Variants in ANTXR1 observed in about 807,000 individuals in gnomAD.
The protein encoded by ANTXR1 is anthrax toxin receptor 1.
In ANTXR1, 19 loss-of-function variants were observed where a neutral mutation model predicts 78.1. The observed-to-expected ratio is 0.24, with a 90% CI of 0.17 to 0.36. ANTXR1 has a LOEUF of 0.36. ANTXR1 is among the 10% of genes least tolerant of loss of function. The pLI is 1.00. For synonymous variants in ANTXR1, 273 were observed against 260.5 expected, an observed-to-expected ratio of 1.05 and a Z score of -0.46; for missense variants, 518 against 718.6, an observed-to-expected ratio of 0.72 and a Z score of 3.19.
At chr2:69,039,640 G>A (rs1416455744) in intron 1 of ANTXR1, among the ~76,000 whole-genome samples, 3 of 152,090 alleles carry the variant, frequency 2.0e-5, no homozygotes, top group Non-Finnish European at 4.4e-5. Flanking sequence ...TGTGTTTATC[G>A]TGTGTGCTAA....
At chr2:69,191,010 G>T (rs1674532305) in intron 16 of ANTXR1, among the ~76,000 whole-genome samples, 1 of 151,920 alleles carries the variant, frequency 6.6e-6, no homozygotes, top group South Asian at 2.1e-4. Context: ...GAAGGGGAAA[G>T]AAAAAAGAGG....
intron 12 of ANTXR1, among the ~76,000 whole-genome samples, chr2:69,144,074 A>T (rs1334954787): frequency 6.6e-6 from 1 of 152,244 alleles, no homozygotes; most frequent in African/African-American, 2.4e-5. Context: ...AAAATTGCCC[A>T]TGCTTTGCCA....
At chr2:69,073,332 C>T (rs4854537) in intron 6 of ANTXR1, among the ~76,000 whole-genome samples, 110,737 of 152,174 alleles carry the variant, frequency 0.73, 41,512 homozygotes, top group African/African-American at 0.92. Context: ...TATTACTCTG[C>T]TTTGAAGGAT....
At chr2:69,188,077 C>A (rs1674464664) in intron 16 of ANTXR1, among the ~76,000 whole-genome samples, 1 of 144,386 alleles carries the variant, frequency 6.9e-6, no homozygotes, top group Admixed American at 6.9e-5. Context: ...AACCCCACCA[C>A]AAAAGCTGAT....
chr2:69,075,387 C>T, intron 6 of ANTXR1, among the ~76,000 whole-genome samples: 1 of 152,182 alleles, frequency 6.6e-6, no homozygotes, highest in Non-Finnish European at 1.5e-5. Flanking sequence ...TGTGTCTTTT[C>T]AAGTCCACCA....
intron 14 of ANTXR1, among the ~76,000 whole-genome samples, chr2:69,180,986 T>C (rs1674260041): frequency 6.6e-6 from 1 of 152,040 alleles, no homozygotes; most frequent in African/African-American, 2.4e-5. Flanking sequence ...CCCAGAGTAT[T>C]TGAGAGAGGG....
intron 9 of ANTXR1, among the ~76,000 whole-genome samples, chr2:69,095,259 C>T (rs1349906735): frequency 6.6e-6 from 1 of 151,678 alleles, no homozygotes; most frequent in African/African-American, 2.4e-5. Context: ...TTCCTCCTTT[C>T]ATCGATTCTT....
chr2:69,193,179 A>G (rs1306584651), intron 16 of ANTXR1, among the ~76,000 whole-genome samples, 156 bp from the exon 17 acceptor site: 1 of 152,158 alleles, frequency 6.6e-6, no homozygotes, highest in African/African-American at 2.4e-5. Flanking sequence ...CCAGTTTTGA[A>G]TTAAGGGACT....
intron 14 of ANTXR1, 84 bp from the exon 15 acceptor site, chr2:69,181,702 C>G (rs1674277814): frequency 7.6e-7 from 1 of 1,311,860 alleles, no homozygotes; most frequent in South Asian, 1.2e-5. Context: ...TCTATAAGCT[C>G]TACTCCTAAT....
At position 69,246,651 on chromosome 2, in the gene ANTXR1, G is replaced by C. The variant is rs1393411496; in HGVS notation, c.*1166G>C. 2.0e-5 allele frequency: 3 copies of C among 152,112 alleles called. No individual in the cohort carries two copies. Among genetic ancestry groups the C allele is most frequent in the Non-Finnish European group, 4.4e-5 (3 of 68,032 alleles). The allele number at this position is 152,112 out of a possible 1,614,324, so 9.4% of individuals were successfully genotyped here. A position where few individuals can be genotyped will look rare whatever the true frequency, so the allele number is the denominator to read the frequency against. ...ACATAGAACCTCAGCTGTTAACCAA[G>C]GGGAAATACATCAGATCTGCAACAC... On this transcript the variant is annotated 3_prime_UTR_variant, in exon 18 of 18. Coordinates refer to ENST00000303714, the MANE Select transcript of ANTXR1 (RefSeq NM_032208.3).
At chr2:69,140,682 C>A (rs1261355484) in intron 12 of ANTXR1, among the ~76,000 whole-genome samples, 1 of 152,190 alleles carries the variant, frequency 6.6e-6, no homozygotes, top group Non-Finnish European at 1.5e-5. Context: ...TTCAGAATTG[C>A]TTTGGGCAAT....
chr2:69,227,615 C>T (rs1675487965), intron 17 of ANTXR1, among the ~76,000 whole-genome samples: 1 of 152,120 alleles, frequency 6.6e-6, no homozygotes, highest in Admixed American at 6.5e-5. Flanking sequence ...TCACATATAA[C>T]TCTCCGGGAA....
At chr2:69,037,353 GC>G (rs1260879699) in intron 1 of ANTXR1, among the ~76,000 whole-genome samples, 7 of 152,204 alleles carry the variant, frequency 4.6e-5, no homozygotes, top group African/African-American at 1.7e-4. Flanking sequence ...ATCAGGGGAT[GC>G]TGACAGAGAG....
At chr2:69,168,452 C>T (rs1673891032) in intron 13 of ANTXR1, among the ~76,000 whole-genome samples, 1 of 152,204 alleles carries the variant, frequency 6.6e-6, no homozygotes, top group African/African-American at 2.4e-5. Flanking sequence ...AACATCTATG[C>T]TGTGCTTAGC....
intron 6 of ANTXR1, among the ~76,000 whole-genome samples, chr2:69,075,118 G>A (rs1010496228): frequency 2.0e-5 from 3 of 151,792 alleles, no homozygotes; most frequent in African/African-American, 7.3e-5. Flanking sequence ...TTCTAGCCTT[G>A]TGTGAGGAGC....
Position 69,162,761 on chromosome 2 carries a change from A to C in ANTXR1, c.1048-7487A>C, listed in dbSNP as rs374044892. Among the ~76,000 whole-genome samples the C allele has an allele frequency of 1.4e-4, 21 of 152,282 alleles. 1 individual carries two copies. The highest frequency in any genetic ancestry group is 4.8e-4 in the African/African-American group (20 of 41,560). On this transcript the variant is annotated intron_variant, in intron 13 of 17. Coordinates refer to ENST00000303714, the MANE Select transcript of ANTXR1 (RefSeq NM_032208.3). ...AATTGTTAAATAGCAGATACACTGA[A>C]AATTCTCTGTGTATCACCATTTCTC...
intron 1 of ANTXR1, among the ~76,000 whole-genome samples, chr2:69,033,544 C>A (rs1427583631): frequency 1.3e-5 from 2 of 152,204 alleles, no homozygotes; most frequent in East Asian, 3.8e-4. Flanking sequence ...AGCACAACAG[C>A]AAATGAATGC....
intron 1 of ANTXR1, among the ~76,000 whole-genome samples, chr2:69,019,878 C>A (rs1430021431): frequency 6.6e-6 from 1 of 152,190 alleles, no homozygotes; most frequent in Non-Finnish European, 1.5e-5. Context: ...ATAACAGCCT[C>A]CAGCTCCACC....
At chr2:69,234,457 T>C (rs568312267) in intron 17 of ANTXR1, among the ~76,000 whole-genome samples, 6 of 152,310 alleles carry the variant, frequency 3.9e-5, no homozygotes, top group Non-Finnish European at 8.8e-5. Context: ...ATTTACTGGG[T>C]AATTTTATAT....
Sources: gnomAD v4.1 joint callset for allele counts (sites outside exome capture counted in the v4.1 genomes callset) on GRCh38, gnomAD v4.1.1 for gene constraint, MANE v1.5 for transcripts, NCBI Gene and HGNC (gene_info 2026-07-23, HGNC 2026-07-21) for gene names.